ASCC3: variants seen among roughly 807,000 people sequenced by gnomAD.
ASCC3 encodes ASC-1 complex subunit P200.
In ASCC3, 158 loss-of-function variants were observed where a neutral mutation model predicts 256.3. The ratio of observed to expected loss-of-function variants is 0.62; its 90% confidence interval spans 0.54 to 0.70. The LOEUF is 0.70. Among genes scored for constraint, ASCC3 ranks in the 30% least tolerant of loss-of-function variants. ASCC3 has a pLI of 0.00. For synonymous variants in ASCC3, 948 were observed against 883.4 expected (o/e 1.07, Z -1.30); for missense variants, 2,259 against 2,626.0 (o/e 0.86, Z 3.05).
chr6:100,606,624 A>T, intron 32 of ASCC3, 116 bp downstream of exon 32: 1 of 1,197,314 alleles, frequency 8.4e-7, no homozygotes, highest in Non-Finnish European at 1.2e-6. Context: ...TCATCTGTTT[A>T]AATGTGACCA....
intron 13 of ASCC3, among the ~76,000 whole-genome samples, chr6:100,692,603 T>C (rs756151170): frequency 6.6e-6 from 1 of 152,072 alleles, no homozygotes; most frequent in African/African-American, 2.4e-5. Flanking sequence ...TTTTCTTTTT[T>C]TCTTTTGTTC....
chr6:100,647,119 A>G, intron 21 of ASCC3, 107 bp downstream of exon 21: 2 of 1,086,150 alleles, frequency 1.8e-6, no homozygotes, highest in Non-Finnish European at 2.7e-6. Context: ...ATACGGTAAA[A>G]TTTTTATTTT....
At chr6:100,818,055 A>G (rs1770838522) in intron 4 of ASCC3, among the ~76,000 whole-genome samples, 1 of 152,202 alleles carries the variant, frequency 6.6e-6, no homozygotes, top group East Asian at 1.9e-4. Context: ...ATAAATCATG[A>G]TAGTGAGATT....
intron 36 of ASCC3, among the ~76,000 whole-genome samples, chr6:100,560,454 G>C (rs80241032): frequency 6.6e-6 from 1 of 151,918 alleles, no homozygotes; most frequent in Non-Finnish European, 1.5e-5. Flanking sequence ...TCTGCCACCC[G>C]TGCCCTGAGG....
At chr6:100,827,149 T>A (rs925876748) in intron 4 of ASCC3, among the ~76,000 whole-genome samples, 1 of 152,234 alleles carries the variant, frequency 6.6e-6, no homozygotes, top group Admixed American at 6.5e-5. Context: ...TGTATCATAC[T>A]TACTACCAAT....
intron 13 of ASCC3, chr6:100,715,228 A>G: frequency 2.6e-6 from 1 of 385,158 alleles, no homozygotes; most frequent in South Asian, 4.7e-5. Context: ...ATTTAAAATT[A>G]AAAATGGCAA....
At position 100,553,840 on chromosome 6, in the gene ASCC3, T is replaced by C. The variant is rs1022620834; in HGVS notation, c.5551-13453A>G. On this transcript the variant is annotated intron_variant, in intron 36 of 41. Coordinates refer to ENST00000369162, the MANE Select transcript of ASCC3 (RefSeq NM_006828.4). ...ATGCCATAAACTCAGCCACTCCACA[T>C]AAAGTTAAAAAAGAAAAAAATATTT... 3.9e-5 allele frequency among the ~76,000 whole-genome samples: 6 copies of C among 152,108 alleles called. No homozygotes were observed. In the South Asian group the frequency reaches 1.2e-3, roughly 31 times the overall value.
chr6:100,800,846 AATT>A (rs1159450483), intron 5 of ASCC3, among the ~76,000 whole-genome samples: 1 of 151,626 alleles, frequency 6.6e-6, no homozygotes, highest in Non-Finnish European at 1.5e-5. Context: ...TAAATATAAT[AATT>A]ATCGATAATA....
At chr6:100,587,273 T>C (rs1336049274) in intron 36 of ASCC3, among the ~76,000 whole-genome samples, 3 of 152,044 alleles carry the variant, frequency 2.0e-5, no homozygotes, top group South Asian at 2.1e-4. Flanking sequence ...ACTGAGTTCT[T>C]TGAGTCATTT....
intron 10 of ASCC3, among the ~76,000 whole-genome samples, chr6:100,759,784 A>G (rs140636412): frequency 0.015 from 2,293 of 152,290 alleles, 59 homozygotes; most frequent in African/African-American, 0.052. Context: ...CTTCCTATCC[A>G]TGGGGATGGA....
chr6:100,880,841 C>A (rs1444234630), intron 1 of ASCC3, among the ~76,000 whole-genome samples: 1 of 152,186 alleles, frequency 6.6e-6, no homozygotes, highest in Non-Finnish European at 1.5e-5. Context: ...GTTTTCTATC[C>A]CCAACCCCAC....
rs377428327 is a variant in ASCC3, at chr6:100,521,469, T to C, written c.5776-3327A>G. ...GTCACACCTCAAACTGCAGAAGTTA[T>C]GCTTCAGTGCATGAAACATGCTTAG... On this transcript the variant is annotated intron_variant, in intron 37 of 41. Coordinates refer to ENST00000369162, the MANE Select transcript of ASCC3 (RefSeq NM_006828.4). Among the ~76,000 whole-genome samples the C allele has an allele frequency of 7.2e-5, 11 of 152,306 alleles. 1 individual carries two copies. The highest frequency in any genetic ancestry group is 1.9e-4 in the African/African-American group (8 of 41,572).
At chr6:100,589,306 G>A (rs1007569358) in intron 36 of ASCC3, among the ~76,000 whole-genome samples, 1 of 152,026 alleles carries the variant, frequency 6.6e-6, no homozygotes, top group Admixed American at 6.6e-5. Context: ...AATAAGAAAA[G>A]CTTTCAATCA....
Position 100,601,891 on chromosome 6 carries a change from C to T in ASCC3, c.5222G>A (p.Gly1741Asp), listed in dbSNP as rs758766287. The part of the protein sequence containing the change: ...LSDHLNAEIA[G>D]GTITSKQDAL... Reference sequence around the variant, plus strand: ...ATCTTGCTTAGATGTAATTGTACCACCAGCAATCTCTGCATTTAAGTGGTC... The same window carrying T: ...ATCTTGCTTAGATGTAATTGTACCATCAGCAATCTCTGCATTTAAGTGGTC... The change falls in exon 34 of 42, where the codon GGT (glycine) becomes GAT (aspartate). Residue 1741 changes from glycine to aspartate, a missense_variant. Physicochemically the swap from Gly to Asp is moderately conservative, Grantham distance 94. Transcript: ENST00000369162. 1.2e-6 allele frequency: 2 copies of T among 1,612,572 alleles called. No individual in the cohort carries two copies. Among genetic ancestry groups the T allele is most frequent in the Non-Finnish European group, 8.5e-7 (1 of 1,178,916 alleles).
At chr6:100,737,169 AG>A in intron 10 of ASCC3, among the ~76,000 whole-genome samples, 1 of 145,948 alleles carries the variant, frequency 6.9e-6, no homozygotes, top group East Asian at 2.0e-4. Context: ...AAGGCGGGGG[AG>A]GCAGTGGGGG....
At chr6:100,540,699 A>T (rs747600995) in intron 36 of ASCC3, among the ~76,000 whole-genome samples, 9 of 148,016 alleles carry the variant, frequency 6.1e-5, no homozygotes, top group Non-Finnish European at 8.8e-5. Flanking sequence ...AGAGGTAGAT[A>T]AAAAAATTAT....
At chr6:100,653,483 C>G (rs1775768854) in intron 17 of ASCC3, among the ~76,000 whole-genome samples, 1 of 151,696 alleles carries the variant, frequency 6.6e-6, no homozygotes, top group Non-Finnish European at 1.5e-5. Flanking sequence ...ACTAAAAATA[C>G]AAAAATTAGC....
chr6:100,767,010 T>A (rs1781688369), intron 9 of ASCC3, 135 bp downstream of exon 9: 4 of 950,804 alleles, frequency 4.2e-6, no homozygotes, highest in Non-Finnish European at 6.4e-6. Context: ...AGTAATGAAG[T>A]AAATCAAACA....
At chr6:100,669,676 T>C (rs748176805) in intron 14 of ASCC3, among the ~76,000 whole-genome samples, 5 of 151,748 alleles carry the variant, frequency 3.3e-5, no homozygotes, top group Non-Finnish European at 5.9e-5. Context: ...CAATCAGTTA[T>C]TGAGAATTCT....
Sources: gnomAD v4.1 joint callset for allele counts (sites outside exome capture counted in the v4.1 genomes callset) on GRCh38, gnomAD v4.1.1 for gene constraint, MANE v1.5 for transcripts, NCBI Gene and HGNC (gene_info 2026-07-23, HGNC 2026-07-21) for gene names.